The following N4BP2 variants were observed in gnomAD, a reference collection of about 807,000 sequenced individuals.
N4BP2 encodes the protein NEDD4-binding protein 2.
A neutral mutation model predicts 152.8 loss-of-function variants in N4BP2; 91 were observed. The observed-to-expected ratio is 0.60, with a 90% CI of 0.50 to 0.71. The LOEUF is 0.71. Ranked by LOEUF, N4BP2 falls within the 30% of genes least tolerant of loss-of-function variation. N4BP2 has a pLI of 0.00. For synonymous variants in N4BP2, 646 were observed against 705.3 expected, an observed-to-expected ratio of 0.92 and a Z score of 1.33; for missense variants, 1,923 against 2,059.1, an observed-to-expected ratio of 0.93 and a Z score of 1.28.
At chr4:40,065,667 A>T (rs907028398) in intron 1 of N4BP2, among the ~76,000 whole-genome samples, 4 of 152,204 alleles carry the variant, frequency 2.6e-5, no homozygotes, top group Non-Finnish European at 5.9e-5. Context: ...ATAGGAAATA[A>T]TAGGAGTTTT....
intron 7 of N4BP2, among the ~76,000 whole-genome samples, chr4:40,117,550 C>G (rs1278792731): frequency 1.3e-5 from 2 of 152,128 alleles, no homozygotes; most frequent in African/African-American, 4.8e-5. Flanking sequence ...TAAGTTCAAC[C>G]AAATATGAGC....
chr4:40,134,759 T>C (rs1396118403), intron 13 of N4BP2, among the ~76,000 whole-genome samples: 1 of 152,148 alleles, frequency 6.6e-6, no homozygotes, highest in African/African-American at 2.4e-5. Context: ...CATGGCTTCC[T>C]TTCAAGGGTT....
At position 40,067,056 on chromosome 4, in the gene N4BP2, T is replaced by C. The variant is rs1477576713; in HGVS notation, c.-211-6399T>C. On this transcript the variant is annotated intron_variant, in intron 1 of 17. Transcript: ENST00000261435. ...GTTGCAGCATATGACCTAATTTCCTTTTTTTTTTTTTTTTTTTTTGAGACA... is the reference window on the plus strand; with the variant it reads ...GTTGCAGCATATGACCTAATTTCCTCTTTTTTTTTTTTTTTTTTTGAGACA... Among the ~76,000 whole-genome samples, 4 of 5,000 alleles carry C rather than the reference T, an allele frequency of 8.0e-4. No individual in the cohort carries two copies. The Admixed American group carries it at 0.01, about 13-fold the overall frequency. The allele number at this position is 5,000 out of a possible 152,430, so 3.3% of individuals were successfully genotyped here. A position where few individuals can be genotyped will look rare whatever the true frequency, so the allele number is the denominator to read the frequency against.
the N4BP2 span, among the ~76,000 whole-genome samples, chr4:40,170,253 A>G: frequency 2.0e-5 from 3 of 152,172 alleles, no homozygotes; most frequent in East Asian, 5.8e-4. Flanking sequence ...CCAACTTAAG[A>G]GTCCATTGTG....
At chr4:40,169,472 A>G in the N4BP2 span, among the ~76,000 whole-genome samples, 4 of 151,750 alleles carry the variant, frequency 2.6e-5, no homozygotes, top group Admixed American at 2.6e-4. Flanking sequence ...AATATATAAA[A>G]GATTTAAAAA....
rs140757809 is a variant in N4BP2, at chr4:40,075,585, A to C, written c.-115+2034A>C. Among the ~76,000 whole-genome samples, 897 of 152,110 alleles carry C rather than the reference A, an allele frequency of 5.9e-3. 9 individuals are homozygous for C. The highest frequency in any genetic ancestry group is 0.021 in the African/African-American group (853 of 41,520). On this transcript the variant is annotated intron_variant, in intron 2 of 17. Transcript: ENST00000261435. ...GCTAATTTTTGTATTTTTAGTAGAG[A>C]TGGGGTTTCACCATATTGGCCAGGC...
chr4:40,108,381 C>G (rs1008613765), intron 5 of N4BP2, among the ~76,000 whole-genome samples: 8 of 151,530 alleles, frequency 5.3e-5, no homozygotes, highest in Non-Finnish European at 1.2e-4. Flanking sequence ...GGCGTGATCT[C>G]GGCTCAGTGC....
intron 3 of N4BP2, among the ~76,000 whole-genome samples, chr4:40,097,997 T>A (rs762993457): frequency 1.3e-5 from 2 of 152,158 alleles, no homozygotes; most frequent in Admixed American, 6.6e-5. Context: ...TCTCCATGTA[T>A]TGTCATTTGT....
the N4BP2 span, among the ~76,000 whole-genome samples, chr4:40,185,473 T>C: frequency 6.6e-6 from 1 of 152,148 alleles, no homozygotes; most frequent in South Asian, 2.1e-4. Flanking sequence ...ATTTAGAAGA[T>C]TAAAAGACAA....
At chr4:40,165,831 GT>G in the N4BP2 span, among the ~76,000 whole-genome samples, 1 of 152,120 alleles carries the variant, frequency 6.6e-6, no homozygotes, top group Admixed American at 6.5e-5. Flanking sequence ...GTTGAAATTA[GT>G]TTTCCCTTCA....
intron 11 of N4BP2, 98 bp from the exon 12 acceptor site, chr4:40,126,036 C>A: frequency 1.4e-6 from 1 of 720,110 alleles, no homozygotes; most frequent in Non-Finnish European, 2.1e-6. Context: ...AATTAAAAAA[C>A]TGTTTCCTTG....
At chr4:40,175,887 G>A in the N4BP2 span, among the ~76,000 whole-genome samples, 9 of 150,096 alleles carry the variant, frequency 6.0e-5, no homozygotes, top group Non-Finnish European at 1.2e-4. Context: ...TCAGGAGATC[G>A]AGACCATCTT....
the N4BP2 span, among the ~76,000 whole-genome samples, chr4:40,185,918 C>T: frequency 3.3e-5 from 5 of 152,152 alleles, no homozygotes; most frequent in African/African-American, 7.2e-5. Context: ...CTCTAATGAT[C>T]CTCAAGCATT....
chr4:40,183,280 T>C, the N4BP2 span, among the ~76,000 whole-genome samples: 1 of 152,136 alleles, frequency 6.6e-6, no homozygotes, highest in Non-Finnish European at 1.5e-5. Flanking sequence ...ATCATTTCTA[T>C]ACAGTATTCT....
At chr4:40,188,816 C>A in the N4BP2 span, among the ~76,000 whole-genome samples, 1 of 150,962 alleles carries the variant, frequency 6.6e-6, no homozygotes, top group Admixed American at 6.6e-5. Flanking sequence ...GCAGTGTGAC[C>A]ATTATTATGA....
At chr4:40,190,426 T>C in the N4BP2 span, among the ~76,000 whole-genome samples, 1 of 152,240 alleles carries the variant, frequency 6.6e-6, no homozygotes, top group African/African-American at 2.4e-5. Context: ...TTAAATTTTC[T>C]GTGTCCTTTT....
chr4:40,144,407 A>T (rs1720319661), intron 15 of N4BP2, among the ~76,000 whole-genome samples: 3 of 152,222 alleles, frequency 2.0e-5, no homozygotes, highest in Admixed American at 6.5e-5. Flanking sequence ...TGGTTCAGAA[A>T]ATGTTAGAAA....
chr4:40,097,850 G>T (rs1439088148), intron 3 of N4BP2, among the ~76,000 whole-genome samples: 1 of 152,118 alleles, frequency 6.6e-6, no homozygotes, highest in Non-Finnish European at 1.5e-5. Flanking sequence ...GAACAGACTG[G>T]CACTGTTGAC....
Position 40,093,469 on chromosome 4 carries a change from C to T in N4BP2, c.-114-3758C>T, listed in dbSNP as rs193255410. On this transcript the variant is annotated intron_variant, in intron 2 of 17. Transcript: ENST00000261435. ...TCACCCAGGCTGGAGTGCAGTGGCTCGATCTTAGCTCACTGCAACCTTTGC... is the reference window on the plus strand; with the variant it reads ...TCACCCAGGCTGGAGTGCAGTGGCTTGATCTTAGCTCACTGCAACCTTTGC... Among the ~76,000 whole-genome samples the T allele has an allele frequency of 1.1e-3, 164 of 151,814 alleles. 1 individual carries two copies. The highest frequency in any genetic ancestry group is 3.7e-3 in the African/African-American group (154 of 41,422).
Sources: allele counts gnomAD v4.1 joint callset (sites outside exome capture counted in the v4.1 genomes callset), GRCh38; gene constraint gnomAD v4.1.1; transcripts MANE v1.5; gene names NCBI Gene and HGNC (gene_info 2026-07-23, HGNC 2026-07-21).